RTN4IP1: variants seen among roughly 807,000 people sequenced by gnomAD.
RTN4IP1 encodes the protein NAD(P)H oxidoreductase RTN4IP1, mitochondrial.
Under a neutral mutation model 46.6 loss-of-function variants are expected in RTN4IP1, and 32 were observed. The observed-to-expected ratio is 0.69, with a 90% CI of 0.52 to 0.92. The LOEUF (loss-of-function observed/expected upper bound fraction) is 0.92. RTN4IP1 is among the 40% of genes least tolerant of loss of function. RTN4IP1 has a pLI of 0.00. For missense variants in RTN4IP1, 424 were observed against 485.8 expected, an observed-to-expected ratio of 0.87 and a Z score of 1.20; for synonymous variants, 167 against 161.8, an observed-to-expected ratio of 1.03 and a Z score of -0.24.
chr6:106,617,624 G>T (rs369436499), intron 4 of RTN4IP1, among the ~76,000 whole-genome samples: 2 of 152,064 alleles, frequency 1.3e-5, no homozygotes, highest in South Asian at 2.1e-4. Flanking sequence ...GAGTACCAAA[G>T]AATTACCCAC....
chr6:106,592,756 T>C (rs946817588), intron 5 of RTN4IP1, among the ~76,000 whole-genome samples: 2 of 152,120 alleles, frequency 1.3e-5, no homozygotes, highest in Non-Finnish European at 2.9e-5. Context: ...AAACCCCGTC[T>C]CTACTAAAAA....
intron 6 of RTN4IP1, among the ~76,000 whole-genome samples, chr6:106,591,324 T>A (rs1775657030): frequency 6.6e-6 from 1 of 152,160 alleles, no homozygotes; most frequent in African/African-American, 2.4e-5. Context: ...GAAGGAATGA[T>A]GAGTTGGCTG....
chr6:106,585,281 T>C (rs57424436), intron 7 of RTN4IP1, among the ~76,000 whole-genome samples: 36,573 of 151,960 alleles, frequency 0.24, 4,777 homozygotes, highest in East Asian at 0.33. Flanking sequence ...CAAGAGTAGC[T>C]TAGGCAACAC....
chr6:106,580,974 T>C (rs987971677), intron 8 of RTN4IP1, among the ~76,000 whole-genome samples: 1 of 138,672 alleles, frequency 7.2e-6, no homozygotes, highest in Non-Finnish European at 1.5e-5. Flanking sequence ...TTTGAACATA[T>C]GCTGTTAAAA....
intron 8 of RTN4IP1, among the ~76,000 whole-genome samples, chr6:106,575,227 C>T (rs921928780): frequency 4.6e-5 from 7 of 152,190 alleles, no homozygotes; most frequent in Non-Finnish European, 7.3e-5. Flanking sequence ...TGTTATAAAG[C>T]GGGCAGGCTC....
intron 7 of RTN4IP1, 60 bp from the exon 8 acceptor site, chr6:106,583,480 A>G: frequency 7.2e-7 from 1 of 1,382,540 alleles, no homozygotes; most frequent in Non-Finnish European, 1.0e-6. Flanking sequence ...GACTAAATGC[A>G]GATTTAGGGA....
At chr6:106,600,698 T>C (rs1775924657) in intron 5 of RTN4IP1, among the ~76,000 whole-genome samples, 1 of 152,076 alleles carries the variant, frequency 6.6e-6, no homozygotes, top group Admixed American at 6.6e-5. Flanking sequence ...TGTTTCTGGA[T>C]TTTTCTCACT....
At chr6:106,628,137 G>C (rs1185163254) in intron 1 of RTN4IP1, among the ~76,000 whole-genome samples, 1 of 151,594 alleles carries the variant, frequency 6.6e-6, no homozygotes, top group Non-Finnish European at 1.5e-5. Flanking sequence ...GCCTGTGACG[G>C]ATCTCAGAAT....
At chr6:106,599,549 T>C (rs1562142659) in intron 5 of RTN4IP1, among the ~76,000 whole-genome samples, 1 of 151,802 alleles carries the variant, frequency 6.6e-6, no homozygotes, top group Non-Finnish European at 1.5e-5. Flanking sequence ...TGGAACGATA[T>C]AGGATGTACT....
At chr6:106,586,943 G>T (rs1196311782) in intron 7 of RTN4IP1, among the ~76,000 whole-genome samples, 2 of 152,142 alleles carry the variant, frequency 1.3e-5, no homozygotes, top group African/African-American at 4.8e-5. Flanking sequence ...GCTCCATACA[G>T]CCCTGGTAAA....
rs781777452 is a variant in RTN4IP1 at position 106,628,895 on chromosome 6, T to A, written c.127A>T (p.Met43Leu). ...ISTTSPRSTV[M>L]PAWVIDKYGK... ...TATTTATCTATCACCCAAGCAGGCATGACAGTGCTCCTAGGAGAGGTAGTA... is the reference window on the plus strand; with the variant it reads ...TATTTATCTATCACCCAAGCAGGCAAGACAGTGCTCCTAGGAGAGGTAGTA... The change falls in exon 1 of 9, where the codon ATG becomes TTG. Residue 43 changes from methionine (M) to leucine (L), a missense_variant. Transcript: ENST00000369063. 4 of 1,614,006 alleles carry A rather than the reference T, an allele frequency of 2.5e-6. No individual in the cohort carries two copies. The African/African-American group carries it at 5.3e-5, about 22-fold the overall frequency.
rs181719295 is a variant in RTN4IP1, at chr6:106,611,680, G to C, written c.620+7522C>G. Among the ~76,000 whole-genome samples the C allele has an allele frequency of 1.9e-4, 29 of 152,242 alleles. No individual in the cohort carries two copies. In the East Asian group the frequency reaches 5.2e-3, roughly 27 times the overall value. On this transcript the variant is annotated intron_variant, in intron 4 of 8. Transcript: ENST00000369063. ...TTAAAGTGAGTGAGAAACTTAATCT[G>C]AATAAGTGGAAAAATATAGCTACAA...
Position 106,629,295 on chromosome 6 carries a change from A to T in RTN4IP1, c.-274T>A, listed in dbSNP as rs1393191625. ...CCCTCACTTTCACCCCCTCCACTTT[A>T]AAAAAAAAAGGGGGGGCGGGGCATT... On this transcript the variant is annotated 5_prime_UTR_variant, in exon 1 of 9. It removes the in-frame stop codon of an upstream open reading frame in the 5' UTR. Transcript: ENST00000369063. The T allele has an allele frequency of 4.9e-5, 19 of 389,572 alleles. No individual in the cohort carries two copies. Among genetic ancestry groups the T allele is most frequent in the South Asian group, 1.3e-4 (3 of 23,404 alleles). 24.1% of individuals were successfully genotyped at this position (389,572 alleles called of 1,614,324 possible).
At chr6:106,580,746 A>G (rs936991523) in intron 8 of RTN4IP1, among the ~76,000 whole-genome samples, 8 of 151,968 alleles carry the variant, frequency 5.3e-5, no homozygotes, top group Non-Finnish European at 1.2e-4. Flanking sequence ...AACGATCAAA[A>G]TTATAAATGC....
At chr6:106,590,802 C>A (rs1392128626) in intron 6 of RTN4IP1, among the ~76,000 whole-genome samples, 1 of 151,144 alleles carries the variant, frequency 6.6e-6, no homozygotes, top group African/African-American at 2.4e-5. Flanking sequence ...TGTCGTCACT[C>A]TCAAGGCGCC....
intron 8 of RTN4IP1, among the ~76,000 whole-genome samples, chr6:106,576,600 C>G (rs897063908): frequency 6.6e-6 from 1 of 152,186 alleles, no homozygotes; most frequent in African/African-American, 2.4e-5. Context: ...AACGAGGGCC[C>G]AGCTATTCAA....
At position 106,619,284 on chromosome 6, in the gene RTN4IP1, A is replaced by T; in HGVS notation, c.538T>A (p.Ser180Thr). The change falls in exon 4 of 9, where the codon TCT becomes ACT. Residue 180 changes from serine to threonine, a missense_variant. By Grantham distance (58) the Ser-to-Thr change is moderately conservative. Coordinates refer to ENST00000369063, the MANE Select transcript of RTN4IP1 (RefSeq NM_032730.5). ...PKSLTHTQAASLPYVALTAWS... is the reference protein window; with the variant it reads ...PKSLTHTQAATLPYVALTAWS... ...GCTGTGAGAGCCACATATGGCAAAG[A>T]GGCAGCTTGAGTATGAGTGAGTGAT... 1 of 1,614,222 alleles carries T rather than the reference A, an allele frequency of 6.2e-7. No individual in the cohort carries two copies. Among genetic ancestry groups the T allele is most frequent in the Non-Finnish European group, 8.5e-7 (1 of 1,180,020 alleles).
intron 5 of RTN4IP1, among the ~76,000 whole-genome samples, chr6:106,596,025 C>A (rs1040610727): frequency 9.9e-6 from 1 of 101,008 alleles, no homozygotes; most frequent in African/African-American, 2.9e-5. Context: ...AGGTTTCAAC[C>A]CATTGTAATG....
At chr6:106,594,296 T>G (rs1582870736) in intron 5 of RTN4IP1, among the ~76,000 whole-genome samples, 1 of 152,112 alleles carries the variant, frequency 6.6e-6, no homozygotes, top group African/African-American at 2.4e-5. Context: ...TCACTTGAGC[T>G]CAGGAGTCTG....
Sources: gnomAD v4.1 joint callset for allele counts (sites outside exome capture counted in the v4.1 genomes callset) on GRCh38, gnomAD v4.1.1 for gene constraint, MANE v1.5 for transcripts, NCBI Gene and HGNC (gene_info 2026-07-23, HGNC 2026-07-21) for gene names.